TBX5: variants seen among roughly 807,000 people sequenced by gnomAD.
TBX5 encodes T-box transcription factor TBX5.
TBX5 carries 8 observed loss-of-function variants against 51.1 expected under a neutral mutation model. The ratio of observed to expected loss-of-function variants is 0.16; its 90% CI spans 0.09 to 0.28. TBX5 has a LOEUF of 0.28. Among genes scored for constraint, TBX5 ranks in the 10% least tolerant of loss-of-function variants. TBX5 has a pLI of 1.00. For missense variants in TBX5, 589 were observed against 671.7 expected, an observed-to-expected ratio of 0.88 and a Z score of 1.36; for synonymous variants, 302 against 266.4, an observed-to-expected ratio of 1.13 and a Z score of -1.30.
chr12:114,384,795 A>G (rs1337503953), intron 7 of TBX5, among the ~76,000 whole-genome samples: 3 of 151,918 alleles, frequency 2.0e-5, no homozygotes, highest in African/African-American at 7.3e-5. Context: ...TGTATTTCTA[A>G]TTCGCTTGCC....
At chr12:114,402,443 G>C (rs1871890793) in intron 2 of TBX5, among the ~76,000 whole-genome samples, 1 of 152,192 alleles carries the variant, frequency 6.6e-6, no homozygotes, top group African/African-American at 2.4e-5. Context: ...ATACAGATGT[G>C]CAAATACTTG....
At chr12:114,380,229 T>A (rs946027633) in intron 7 of TBX5, among the ~76,000 whole-genome samples, 2 of 152,168 alleles carry the variant, frequency 1.3e-5, no homozygotes, top group African/African-American at 4.8e-5. Context: ...TTTGAATACA[T>A]CTTGAAGACT....
rs201061223 is a variant in TBX5, at chr12:114,395,585, C to CA, written c.511-693dup. 4.7e-3 allele frequency among the ~76,000 whole-genome samples: 721 copies of CA among 152,216 alleles called. 7 individuals are homozygous for CA. The highest frequency in any genetic ancestry group is 0.016 in the African/African-American group (679 of 41,542). On this transcript the variant is annotated intron_variant, in intron 5 of 8. Transcript: ENST00000405440. ...AGGTGTGGGGAGGAAGCACCACCCA[C>CA]ACCCCTCAAAGAAGGGGCTGGTTGC... is the stretch of plus-strand genomic sequence containing the variant.
intron 6 of TBX5, among the ~76,000 whole-genome samples, chr12:114,393,090 C>T (rs964543770): frequency 1.3e-5 from 2 of 152,136 alleles, no homozygotes; most frequent in East Asian, 1.9e-4. Flanking sequence ...GGAACAGTCC[C>T]GGCCTCAGTT....
intron 7 of TBX5, among the ~76,000 whole-genome samples, chr12:114,371,657 A>G (rs1251265232): frequency 2.1e-5 from 3 of 144,680 alleles, no homozygotes; most frequent in Non-Finnish European, 1.5e-5. Context: ...CAACTAAAGC[A>G]GTGCACTGGG....
At chr12:114,359,023 GA>G (rs1047975341) in intron 8 of TBX5, among the ~76,000 whole-genome samples, 4 of 148,180 alleles carry the variant, frequency 2.7e-5, no homozygotes, top group African/African-American at 7.4e-5. Flanking sequence ...TTAGCAAGAG[GA>G]AAAAAAAACA....
chr12:114,363,403 G>A (rs184365566), intron 8 of TBX5, among the ~76,000 whole-genome samples: 53 of 152,246 alleles, frequency 3.5e-4, no homozygotes, highest in African/African-American at 6.3e-4. Flanking sequence ...CCTCCCTGCC[G>A]CATCCTTCAG....
chr12:114,401,146 C>G (rs1193206905), intron 3 of TBX5, among the ~76,000 whole-genome samples: 1 of 152,180 alleles, frequency 6.6e-6, no homozygotes, highest in Non-Finnish European at 1.5e-5. Flanking sequence ...CCTCCTCCCC[C>G]AGAAGTCTAG....
At chr12:114,399,413 C>T in intron 4 of TBX5, 100 bp downstream of exon 4, 1 of 1,247,936 alleles carries the variant, frequency 8.0e-7, no homozygotes, top group South Asian at 1.2e-5. Context: ...ACAGTAGGAA[C>T]TAAAAAAAAA....
At chr12:114,356,146 G>T in intron 8 of TBX5, 40 bp from the exon 9 acceptor site, 1 of 1,586,322 alleles carries the variant, frequency 6.3e-7, no homozygotes, top group South Asian at 1.1e-5. Flanking sequence ...CCAGGAGCAG[G>T]CACCAGGCAG....
At chr12:114,385,590 A>C (rs375415133) in intron 6 of TBX5, 23 bp from the exon 7 acceptor site, 7 of 1,604,238 alleles carry the variant, frequency 4.4e-6, no homozygotes, top group Non-Finnish European at 5.1e-6. Context: ...GGAAGAGAGA[A>C]CAAGCTGGTT....
At chr12:114,377,077 T>C (rs1171025382) in intron 7 of TBX5, among the ~76,000 whole-genome samples, 1 of 152,220 alleles carries the variant, frequency 6.6e-6, no homozygotes, top group Non-Finnish European at 1.5e-5. Flanking sequence ...GCTCTTGTTT[T>C]ACATAAATGC....
intron 6 of TBX5, among the ~76,000 whole-genome samples, chr12:114,387,977 C>G (rs1363937527): frequency 1.3e-5 from 2 of 152,140 alleles, no homozygotes; most frequent in Non-Finnish European, 2.9e-5. Context: ...GCTGGGACCA[C>G]AGGCATGCAC....
At chr12:114,386,148 C>T (rs1870806443) in intron 6 of TBX5, among the ~76,000 whole-genome samples, 1 of 152,118 alleles carries the variant, frequency 6.6e-6, no homozygotes, top group South Asian at 2.1e-4. Flanking sequence ...ATAATGATAA[C>T]TTATATAATA....
intron 7 of TBX5, among the ~76,000 whole-genome samples, chr12:114,370,964 AG>A (rs1234316040): frequency 6.6e-6 from 1 of 151,958 alleles, no homozygotes; most frequent in African/African-American, 2.4e-5. Context: ...CCCTATATCA[AG>A]GGGAATGGTG....
In TBX5 at chr12:114,355,206, C is replaced by A; in HGVS notation, c.*326G>T. On this transcript the variant is annotated 3_prime_UTR_variant, in exon 9 of 9. Transcript: ENST00000405440. Reference sequence around the variant, plus strand: ...CAATGAGGCAAGACTTTCTAGAGCCCAAAAGAAGGAATGGGGGAAGAGATC... The same window carrying A: ...CAATGAGGCAAGACTTTCTAGAGCCAAAAAGAAGGAATGGGGGAAGAGATC... The A allele has an allele frequency of 4.9e-6, 2 of 408,528 alleles. No individual in the cohort carries two copies. Among genetic ancestry groups the A allele is most frequent in the South Asian group, 4.2e-5 (2 of 47,688 alleles). The allele number at this position is 408,528 out of a possible 1,614,324, so 25.3% of individuals were successfully genotyped here.
chr12:114,392,143 G>A lies in TBX5; in HGVS notation c.663+2598C>T, dbSNP rs1187973568. On this transcript the variant is annotated intron_variant, in intron 6 of 8. Coordinates refer to ENST00000405440, the MANE Select transcript of TBX5 (RefSeq NM_181486.4). ...TTTGGAGACACACATTCTTAGACCT[G>A]TGAGCATTCAGACACACGATTCCCT... is the stretch of plus-strand genomic sequence containing the variant. 2.7e-5 allele frequency among the ~76,000 whole-genome samples: 4 copies of A among 146,296 alleles called. No homozygotes were observed. The East Asian group carries it at 8.0e-4, about 29-fold the overall frequency.
At chr12:114,377,406 A>C (rs1870252440) in intron 7 of TBX5, among the ~76,000 whole-genome samples, 1 of 152,076 alleles carries the variant, frequency 6.6e-6, no homozygotes, top group South Asian at 2.1e-4. Context: ...AATTTTTTTA[A>C]TTGAGACAGC....
chr12:114,399,501 C>A lies in TBX5; in HGVS notation c.362+12G>T. On this transcript the variant is annotated intron_variant, in intron 4 of 8. Transcript: ENST00000405440. ...TCTCTCTCCCCGCTCCACCTGCCACCCCAGTGCCTACCATTTATTATCTGC... is the reference window on the plus strand; with the variant it reads ...TCTCTCTCCCCGCTCCACCTGCCACACCAGTGCCTACCATTTATTATCTGC... 1.2e-6 allele frequency: 2 copies of A among 1,613,970 alleles called. No homozygotes were observed. The highest frequency in any genetic ancestry group is 1.7e-6 in the Non-Finnish European group (2 of 1,179,968).
Sources: allele counts gnomAD v4.1 joint callset (sites outside exome capture counted in the v4.1 genomes callset), GRCh38; gene constraint gnomAD v4.1.1; transcripts MANE v1.5; gene names NCBI Gene and HGNC (gene_info 2026-07-23, HGNC 2026-07-21).